ADAMTSL1: variants seen among roughly 807,000 people sequenced by gnomAD.
ADAMTSL1 encodes the protein ADAMTS-like protein 1.
ADAMTSL1 carries 126 observed loss-of-function variants against 201.8 expected under a neutral mutation model. That is an observed-to-expected ratio of 0.62 (90% CI 0.54 to 0.72). The LOEUF is 0.72. Among genes scored for constraint, ADAMTSL1 ranks in the 30% least tolerant of loss-of-function variants. The pLI, the probability that ADAMTSL1 is intolerant of heterozygous loss-of-function variation, is 0.00. For synonymous variants in ADAMTSL1, 1,121 were observed against 903.4 expected (o/e 1.24, Z -4.32); for missense variants, 2,679 against 2,277.8 (o/e 1.18, Z -3.59).
chr9:18,314,859 C>T lies in ADAMTSL1; in HGVS notation c.207+150878C>T, dbSNP rs1201890208. 7.2e-5 allele frequency among the ~76,000 whole-genome samples: 9 copies of T among 124,890 alleles called. No individual in the cohort carries two copies. The South Asian group carries it at 8.8e-4, about 12-fold the overall frequency. The allele number at this position is 124,890 out of a possible 152,430, so 81.9% of individuals were successfully genotyped here. ...TCGCCCAGGCTGGAGTGCAGTGGCG[C>T]GATCTCGGCTCACTGCAAGCTCCGC... On this transcript the variant is annotated intron_variant, in intron 2 of 29. Transcript: ENST00000680146.
chr9:18,814,766 CT>C, intron 20 of ADAMTSL1, among the ~76,000 whole-genome samples: 1 of 152,266 alleles, frequency 6.6e-6, no homozygotes, highest in Non-Finnish European at 1.5e-5. Context: ...GGAAAAATAA[CT>C]ATCGAGTACT....
chr9:18,241,782 A>G (rs1433196240), intron 2 of ADAMTSL1, among the ~76,000 whole-genome samples: 1 of 152,108 alleles, frequency 6.6e-6, no homozygotes, highest in Non-Finnish European at 1.5e-5. Flanking sequence ...AGAAATGGAT[A>G]ACTTCTTAGA....
At chr9:17,919,583 T>C (rs1334468188) in intron 1 of ADAMTSL1, among the ~76,000 whole-genome samples, 1 of 152,142 alleles carries the variant, frequency 6.6e-6, no homozygotes, top group African/African-American at 2.4e-5. Context: ...TGTGGACTTT[T>C]GTGACTGTCT....
At chr9:18,321,520 G>A (rs1243326128) in intron 2 of ADAMTSL1, among the ~76,000 whole-genome samples, 5 of 152,154 alleles carry the variant, frequency 3.3e-5, no homozygotes, top group Non-Finnish European at 5.9e-5. Flanking sequence ...TTGGCTGGGC[G>A]CGGTGGCTCA....
intron 19 of ADAMTSL1, among the ~76,000 whole-genome samples, chr9:18,787,696 T>A (rs949068474): frequency 1.3e-5 from 2 of 152,200 alleles, no homozygotes; most frequent in African/African-American, 2.4e-5. Flanking sequence ...TTAAACTGAC[T>A]ATACTCAACT....
chr9:18,175,805 C>T (rs1280923154), intron 2 of ADAMTSL1, among the ~76,000 whole-genome samples: 1 of 151,988 alleles, frequency 6.6e-6, no homozygotes, highest in South Asian at 2.1e-4. Flanking sequence ...CAGCCCATGG[C>T]ATGCCTCCTC....
At chr9:18,610,589 A>T (rs1202197274) in intron 4 of ADAMTSL1, among the ~76,000 whole-genome samples, 1 of 152,210 alleles carries the variant, frequency 6.6e-6, no homozygotes, top group Non-Finnish European at 1.5e-5. Context: ...CTTTGAAAGC[A>T]GGATATCGAT....
intron 1 of ADAMTSL1, among the ~76,000 whole-genome samples, chr9:18,038,857 T>C (rs1303301341): frequency 1.3e-5 from 2 of 152,224 alleles, no homozygotes; most frequent in Admixed American, 1.3e-4. Flanking sequence ...GTGTAAACTT[T>C]ACCAGTACCA....
At chr9:18,154,295 G>T (rs904184423) in intron 1 of ADAMTSL1, among the ~76,000 whole-genome samples, 14 of 152,004 alleles carry the variant, frequency 9.2e-5, no homozygotes, top group African/African-American at 2.9e-4. Context: ...TAATTTATGG[G>T]TTGACCGAGT....
chr9:18,592,794 C>A (rs1824010339), intron 4 of ADAMTSL1, among the ~76,000 whole-genome samples: 1 of 152,094 alleles, frequency 6.6e-6, no homozygotes, highest in African/African-American at 2.4e-5. Flanking sequence ...TGCAATGAAT[C>A]TGTAGATTGT....
intron 2 of ADAMTSL1, among the ~76,000 whole-genome samples, chr9:18,286,075 T>G (rs1488192360): frequency 1.3e-5 from 2 of 152,158 alleles, no homozygotes; most frequent in African/African-American, 4.8e-5. Context: ...CTGTATTTGT[T>G]TTGCTAAGTA....
chr9:18,175,647 G>A (rs566708280), intron 2 of ADAMTSL1, among the ~76,000 whole-genome samples: 16 of 152,072 alleles, frequency 1.1e-4, no homozygotes, highest in African/African-American at 3.9e-4. Context: ...CTTCTGCCTG[G>A]AATGTCTTCC....
chr9:18,721,808 A>T, intron 15 of ADAMTSL1, 143 bp downstream of exon 15: 1 of 1,319,678 alleles, frequency 7.6e-7, no homozygotes, highest in Non-Finnish European at 1.0e-6. Context: ...AGTCAAATCC[A>T]CTTAAGTTTA....
intron 2 of ADAMTSL1, among the ~76,000 whole-genome samples, chr9:18,207,948 C>T (rs2132302570): frequency 6.6e-6 from 1 of 152,152 alleles, no homozygotes; most frequent in South Asian, 2.1e-4. Context: ...TCTTGTATGT[C>T]AGGAGCGTAG....
chr9:18,131,696 T>C (rs558098673), intron 1 of ADAMTSL1, among the ~76,000 whole-genome samples: 1 of 152,284 alleles, frequency 6.6e-6, no homozygotes, highest in African/African-American at 2.4e-5. Flanking sequence ...ATCATTTCCC[T>C]CTGTAGTCTT....
At chr9:18,028,649 T>A (rs1159255069) in intron 1 of ADAMTSL1, among the ~76,000 whole-genome samples, 1 of 152,178 alleles carries the variant, frequency 6.6e-6, no homozygotes, top group African/African-American at 2.4e-5. Context: ...TACCATCCTA[T>A]TTTGGTTACT....
intron 2 of ADAMTSL1, among the ~76,000 whole-genome samples, chr9:18,451,277 T>C (rs141902472): frequency 8.5e-5 from 13 of 152,304 alleles, no homozygotes; most frequent in South Asian, 4.1e-4. Context: ...GGCATACTAG[T>C]ATACCAATTT....
Position 17,918,332 on chromosome 9 carries a change from A to G in ADAMTSL1, c.87+11410A>G, listed in dbSNP as rs547250081. ...CTTTAGAGGCATATCATAAATTTCT[A>G]TATGTATTTTTTTTTCAGTTCATAG... On this transcript the variant is annotated intron_variant, in intron 1 of 29. Transcript: ENST00000680146. Among the ~76,000 whole-genome samples, 339 of 84,496 alleles carry G rather than the reference A, an allele frequency of 4.0e-3. 2 individuals are homozygous for G. The highest frequency in any genetic ancestry group is 0.017 in the African/African-American group (321 of 19,142). 55.4% of individuals were successfully genotyped at this position (84,496 alleles called of 152,430 possible).
At chr9:18,738,670 G>A (rs980249979) in intron 15 of ADAMTSL1, among the ~76,000 whole-genome samples, 1 of 152,132 alleles carries the variant, frequency 6.6e-6, no homozygotes, top group African/African-American at 2.4e-5. Flanking sequence ...GGATCAGAGG[G>A]CAACTAGAAA....
Sources: allele counts gnomAD v4.1 joint callset (sites outside exome capture counted in the v4.1 genomes callset), GRCh38; gene constraint gnomAD v4.1.1; transcripts MANE v1.5; gene names NCBI Gene and HGNC (gene_info 2026-07-23, HGNC 2026-07-21).